PRR12: variants seen among roughly 807,000 people sequenced by gnomAD.
The protein encoded by PRR12 is proline rich 12, also known as proline-rich protein 12.
PRR12 carries 12 observed loss-of-function variants against 138.0 expected under a neutral mutation model. That is an observed-to-expected ratio of 0.09 (90% CI 0.06 to 0.14). The LOEUF (loss-of-function observed/expected upper bound fraction) is 0.14, where lower values mean the gene tolerates loss of function less well. PRR12 is among the 10% of genes least tolerant of loss of function. The pLI, the probability that PRR12 is intolerant of heterozygous loss-of-function variation, is 1.00. For synonymous variants in PRR12, 1,567 were observed against 1,291.7 expected (o/e 1.21, Z -4.57); for missense variants, 2,692 against 2,861.3 (o/e 0.94, Z 1.35).
intron 1 of PRR12, among the ~76,000 whole-genome samples, chr19:49,592,808 C>T (rs183114119): frequency 1.3e-5 from 2 of 152,168 alleles, no homozygotes; most frequent in Admixed American, 1.3e-4. Context: ...TCTCCACCCC[C>T]CAAACCGTTG....
chr19:49,625,295 C>A lies in PRR12; in HGVS notation c.5964+95C>A. 1 of 1,482,812 alleles carries A rather than the reference C, an allele frequency of 6.7e-7. No homozygotes were observed. Among genetic ancestry groups the A allele is most frequent in the East Asian group, 2.4e-5 (1 of 42,332 alleles). The allele number at this position is 1,482,812 out of a possible 1,614,324, so 91.9% of individuals were successfully genotyped here. On this transcript the variant is annotated intron_variant, in intron 13 of 13. Coordinates refer to ENST00000418929, the MANE Select transcript of PRR12 (RefSeq NM_020719.3). This position sits in a 1 kb window ranked among gnomAD's most constrained non-coding sequence, Gnocchi z 5.5. The stretch of plus-strand genomic sequence containing the variant: ...GTCCAAGCCCAGCCCCATCCTGCCT[C>A]AGACCCAAGAGTTCAGGTCCTTCTG...
At position 49,626,018 on chromosome 19, in the gene PRR12, T is replaced by TC. The variant is rs927297965; in HGVS notation, c.*417dup. 1 of 154,268 alleles carries TC rather than the reference T, an allele frequency of 6.5e-6. No homozygotes were observed. The highest frequency in any genetic ancestry group is 1.4e-5 in the Non-Finnish European group (1 of 70,116). 9.6% of individuals were successfully genotyped at this position (154,268 alleles called of 1,614,324 possible). On this transcript the variant is annotated 3_prime_UTR_variant, in exon 14 of 14. Transcript: ENST00000418929. ...AGCTGGGGGACCCCTTCCCCCCAAG[T>TC]CCCCCCTGCAGGCCAAGATCTTTGC...
chr19:49,601,592 C>T lies in PRR12; in HGVS notation c.4447C>T (p.Pro1483Ser). The T allele has an allele frequency of 6.5e-7, 1 of 1,543,644 alleles. No individual in the cohort carries two copies. Among genetic ancestry groups the T allele is most frequent in the South Asian group, 1.2e-5 (1 of 83,888 alleles). Residue 1483 changes from proline to serine, a missense_variant, in exon 6 of 14, where the codon CCC (proline) becomes TCC (serine). By Grantham distance (74) the Pro-to-Ser change is moderately conservative. Around this residue, in one of 11 missense-constraint regions of PRR12, gnomAD observed 231 missense variants for 200.8 expected, o/e 1.15. Coordinates refer to ENST00000418929, the MANE Select transcript of PRR12 (RefSeq NM_020719.3). The part of the protein sequence containing the change: ...PPPPPPQPAL[P>S]SPPPLVAPTP... ...CCCTCCGCCGCCACAGCCAGCCCTGCCCTCGCCACCCCCGCTGGTGGCCCC... is the reference window on the plus strand; with the variant it reads ...CCCTCCGCCGCCACAGCCAGCCCTGTCCTCGCCACCCCCGCTGGTGGCCCC...
At chr19:49,613,684 A>T (rs1234516554) in intron 6 of PRR12, among the ~76,000 whole-genome samples, 1 of 152,208 alleles carries the variant, frequency 6.6e-6, no homozygotes, top group Admixed American at 6.5e-5. Flanking sequence ...GGCACAGGCC[A>T]CAAACTCACC....
At chr19:49,621,769 G>C in intron 11 of PRR12, 147 bp downstream of exon 11, 1 of 658,316 alleles carries the variant, frequency 1.5e-6, no homozygotes, top group Non-Finnish European at 2.6e-6. Context: ...GGGCAGGACT[G>C]TCAGGAGATC....
rs559660001 is a variant in PRR12 at position 49,602,052 on chromosome 19, C to T, written c.4773+134C>T. On this transcript the variant is annotated intron_variant, in intron 6 of 13. Transcript: ENST00000418929. ...CCGGGCCGCCCTGGAATTTGCAGTC[C>T]TATGGGGCTGATAGAGGTGTCGAGG... 1.1e-4 allele frequency: 123 copies of T among 1,116,198 alleles called. No homozygotes were observed. The African/African-American group carries it at 1.7e-3, about 15-fold the overall frequency. The allele number at this position is 1,116,198 out of a possible 1,614,324, so 69.1% of individuals were successfully genotyped here.
rs1599800149 is a variant in PRR12 at position 49,616,257 on chromosome 19, T to G, written c.5497+38T>G. Reference sequence around the variant, plus strand: ...GCAGCCTCAGGGCTGCAGGGGTGGGTGGGGAAGGGACACAGGTGAGGGCTG... The same window carrying G: ...GCAGCCTCAGGGCTGCAGGGGTGGGGGGGGAAGGGACACAGGTGAGGGCTG... On this transcript the variant is annotated intron_variant, in intron 9 of 13. Coordinates refer to ENST00000418929, the MANE Select transcript of PRR12 (RefSeq NM_020719.3). The surrounding 1 kb of genome is among the most constrained non-coding windows in gnomAD (Gnocchi z 4.2). 2 of 1,464,756 alleles carry G rather than the reference T, an allele frequency of 1.4e-6. No individual in the cohort carries two copies. The highest frequency in any genetic ancestry group is 5.0e-5 in the Admixed American group (2 of 39,626). The allele number at this position is 1,464,756 out of a possible 1,614,324, so 90.7% of individuals were successfully genotyped here.
intron 9 of PRR12, among the ~76,000 whole-genome samples, chr19:49,617,767 G>C (rs1254838823): frequency 6.6e-6 from 1 of 151,722 alleles, no homozygotes; most frequent in Non-Finnish European, 1.5e-5. Flanking sequence ...GAGGAAGGCG[G>C]AATTGTCTTT....
Position 49,596,011 on chromosome 19 carries a change from C to T in PRR12, c.1676C>T (p.Ala559Val). 2 of 1,601,162 alleles carry T rather than the reference C, an allele frequency of 1.2e-6. No homozygotes were observed. The highest frequency in any genetic ancestry group is 2.2e-5 in the South Asian group (2 of 91,080). Residue 559 changes from alanine (A) to valine (V), a missense_variant, in exon 4 of 14, where the codon GCC becomes GTC. Transcript: ENST00000418929. This position sits in a 1 kb window ranked among gnomAD's most constrained non-coding sequence, Gnocchi z 5.6. ...GPSSLGGGGEASPSHIIRPLQ... is the reference protein window; with the variant it reads ...GPSSLGGGGEVSPSHIIRPLQ... ...AGCTCCCTGGGAGGCGGCGGTGAGG[C>T]CAGCCCATCTCACATCATTCGTCCG...
chr19:49,615,736 T>C lies in PRR12; in HGVS notation c.5025-11T>C. On this transcript the variant is annotated splice_polypyrimidine_tract_variant and intron_variant, in intron 8 of 13. Transcript: ENST00000418929. ...GCTGCTGACTACAGTCCCTTCTCTG[T>C]TCCCTTCTAGACGCTCTGGGCAGGC... 1 of 1,609,124 alleles carries C rather than the reference T, an allele frequency of 6.2e-7. No homozygotes were observed. Among genetic ancestry groups the C allele is most frequent in the Non-Finnish European group, 8.5e-7 (1 of 1,177,182 alleles).
At chr19:49,622,952 GAGAGAA>G (rs57494810) in intron 11 of PRR12, among the ~76,000 whole-genome samples, 3,514 of 105,146 alleles carry the variant, frequency 0.033, 103 homozygotes, top group African/African-American at 0.074. Context: ...GAGAGAGAGA[GAGAGAA>G]AGAGAGAGAG....
At chr19:49,607,643 G>A (rs990610596) in intron 6 of PRR12, among the ~76,000 whole-genome samples, 2 of 151,948 alleles carry the variant, frequency 1.3e-5, no homozygotes, top group African/African-American at 4.8e-5. Context: ...GGGAGGTGGA[G>A]GTTGCAGTGA....
intron 6 of PRR12, among the ~76,000 whole-genome samples, chr19:49,612,981 T>C (rs931465993): frequency 2.0e-5 from 3 of 151,882 alleles, no homozygotes; most frequent in Non-Finnish European, 4.4e-5. Flanking sequence ...TTTAAAGACA[T>C]GTTCCTTCCA....
chr19:49,610,908 A>C (rs1448893007), intron 6 of PRR12, among the ~76,000 whole-genome samples: 1 of 150,904 alleles, frequency 6.6e-6, no homozygotes, highest in Non-Finnish European at 1.5e-5. Context: ...GCAGTGGCAC[A>C]ATCTTGGCTC....
At chr19:49,604,123 A>G (rs1286942760) in intron 6 of PRR12, among the ~76,000 whole-genome samples, 4 of 151,926 alleles carry the variant, frequency 2.6e-5, no homozygotes, top group East Asian at 1.9e-4. Context: ...CCGGCCTTAC[A>G]CTTTCTTCTT....
chr19:49,604,115 G>A (rs1025333764), intron 6 of PRR12, among the ~76,000 whole-genome samples: 4 of 151,900 alleles, frequency 2.6e-5, no homozygotes, highest in Admixed American at 6.6e-5. Flanking sequence ...CACCGCGCCC[G>A]GCCTTACACT....
chr19:49,616,707 T>G lies in PRR12; in HGVS notation c.5497+488T>G, dbSNP rs1599800431. On this transcript the variant is annotated intron_variant, in intron 9 of 13. Transcript: ENST00000418929. The surrounding 1 kb of genome is among the most constrained non-coding windows in gnomAD (Gnocchi z 4.2). Reference sequence around the variant, plus strand: ...AGAAAGAGGCATAACCTCTTGTGCCTTAGTGACCTCACCTGTAAAATGGGT... The same window carrying G: ...AGAAAGAGGCATAACCTCTTGTGCCGTAGTGACCTCACCTGTAAAATGGGT... Among the ~76,000 whole-genome samples the G allele has an allele frequency of 6.6e-6, 1 of 152,290 alleles. No individual in the cohort carries two copies. Among genetic ancestry groups the G allele is most frequent in the South Asian group, 2.1e-4 (1 of 4,820 alleles).
chr19:49,603,812 C>T (rs532588154), intron 6 of PRR12, among the ~76,000 whole-genome samples: 1 of 152,120 alleles, frequency 6.6e-6, no homozygotes, highest in Admixed American at 6.6e-5. Flanking sequence ...TAATAACTAT[C>T]ATTACACTTT....
chr19:49,599,824 G>T lies in PRR12; in HGVS notation c.4231G>T (p.Ala1411Ser). 1 of 1,613,456 alleles carries T rather than the reference G, an allele frequency of 6.2e-7. No homozygotes were observed. Among genetic ancestry groups the T allele is most frequent in the Non-Finnish European group, 8.5e-7 (1 of 1,179,882 alleles). The change falls in exon 5 of 14, where the codon GCT (alanine) becomes TCT (serine). Residue 1411 changes from alanine (A) to serine (S), a missense_variant. Coordinates refer to ENST00000418929, the MANE Select transcript of PRR12 (RefSeq NM_020719.3). This position sits in a 1 kb window ranked among gnomAD's most constrained non-coding sequence, Gnocchi z 5.0. ...CTCTGCCCTCGATGACCCACCCCTT[G>T]CTGGGCCAAAAGACACTTCCACCCC... ...AISALDDPPL[A>S]GPKDTSTPDG...
Sources: gnomAD v4.1 joint callset for allele counts (sites outside exome capture counted in the v4.1 genomes callset) on GRCh38, gnomAD v4.1.1 for gene constraint, gnomAD v4.1.1 regional missense constraint, Gnocchi (gnomAD v3.1) non-coding constraint, MANE v1.5 for transcripts, NCBI Gene and HGNC (gene_info 2026-07-23, HGNC 2026-07-21) for gene names.